The following IFT74 variants were observed in gnomAD, a reference collection of about 807,000 sequenced individuals.
IFT74 encodes the protein intraflagellar transport protein 74 homolog.
Under a neutral mutation model 96.7 loss-of-function variants are expected in IFT74, and 92 were observed. That is an observed-to-expected ratio of 0.95 (90% CI 0.80 to 1.13). The LOEUF is 1.13. Ranked by LOEUF, IFT74 falls within the 50% of genes most tolerant of loss-of-function variation. The probability of loss-of-function intolerance (pLI) is 0.00; values close to 1 mark genes in which losing one functional copy is unlikely to be tolerated. For synonymous variants in IFT74, 223 were observed against 213.2 expected (o/e 1.05, Z -0.40); for missense variants, 811 against 698.2 (o/e 1.16, Z -1.82).
chr9:26,999,833 A>G lies in IFT74; in HGVS notation c.588-9187A>G, dbSNP rs150478855. On this transcript the variant is annotated intron_variant, in intron 8 of 19. Transcript: ENST00000380062. ...CACTCTGTCACACAGACCTGGTGGC[A>G]TGGTCACAGCTCACTGCAGCCTTGA... 3.7e-3 allele frequency: 2,026 copies of G among 540,882 alleles called. 39 individuals are homozygous for G. In the African/African-American group the frequency reaches 0.04, roughly 11 times the overall value. 33.5% of individuals were successfully genotyped at this position (540,882 alleles called of 1,614,324 possible). A position where few individuals can be genotyped will look rare whatever the true frequency, so the allele number is the denominator to read the frequency against.
In IFT74 at chr9:27,050,276, C is replaced by G. The variant is rs187557915; in HGVS notation, c.1333+2002C>G. Among the ~76,000 whole-genome samples, 16 of 152,256 alleles carry G rather than the reference C, an allele frequency of 1.1e-4. No individual in the cohort carries two copies. The East Asian group carries it at 3.1e-3, about 29-fold the overall frequency. On this transcript the variant is annotated intron_variant, in intron 16 of 19. Transcript: ENST00000380062. ...GTTTCACCATGTTTTCCAGGCTTGT[C>G]TCAAACTCCTGGGCTAAAGCCATCT...
chr9:26,993,714 T>A (rs1827994447), intron 8 of IFT74: 2 of 152,138 alleles, frequency 1.3e-5, no homozygotes, highest in Admixed American at 6.6e-5. Context: ...TACTATACCA[T>A]ACACAACATA....
upstream of IFT74, among the ~76,000 whole-genome samples, chr9:26,953,433 T>C (rs1443564786): frequency 6.6e-6 from 1 of 152,256 alleles, no homozygotes; most frequent in Non-Finnish European, 1.5e-5. Flanking sequence ...GTCATTTATA[T>C]GTATAAATTC....
chr9:27,060,961 CAAAAAAAAAAA>C (rs752655360), intron 19 of IFT74: 7 of 37,984 alleles, frequency 1.8e-4, no homozygotes, highest in African/African-American at 8.5e-4. Flanking sequence ...GACTCCATCT[CAAAAAAAAAAA>C]AAAAAAAAAA....
chr9:26,981,899 C>G (rs1010426458), intron 4 of IFT74, among the ~76,000 whole-genome samples: 1 of 151,424 alleles, frequency 6.6e-6, no homozygotes. Flanking sequence ...TCGTGAGTAG[C>G]TGGGACTGCA....
chr9:27,016,827 A>G, intron 10 of IFT74, 80 bp from the exon 11 acceptor site: 1 of 1,121,272 alleles, frequency 8.9e-7, no homozygotes, highest in Non-Finnish European at 1.2e-6. Context: ...ATTTACCCCC[A>G]TTCTTATAAA....
intron 2 of IFT74, among the ~76,000 whole-genome samples, chr9:26,969,268 C>T (rs1162336639): frequency 6.6e-6 from 1 of 152,006 alleles, no homozygotes; most frequent in Non-Finnish European, 1.5e-5. Flanking sequence ...AGAGAAGATA[C>T]ATATATATTT....
chr9:26,973,609 T>C (rs1006626672), intron 2 of IFT74, among the ~76,000 whole-genome samples: 3 of 152,236 alleles, frequency 2.0e-5, no homozygotes, highest in African/African-American at 7.2e-5. Flanking sequence ...TAGCATTAAG[T>C]CTTTTTCTAA....
At chr9:26,964,524 G>T (rs1045366636) in intron 2 of IFT74, among the ~76,000 whole-genome samples, 1 of 151,914 alleles carries the variant, frequency 6.6e-6, no homozygotes, top group African/African-American at 2.4e-5. Context: ...GCTTGATGGG[G>T]ATGGCATTGA....
chr9:27,001,169 G>T (rs2131583253), intron 8 of IFT74, among the ~76,000 whole-genome samples: 1 of 152,124 alleles, frequency 6.6e-6, no homozygotes, highest in Non-Finnish European at 1.5e-5. Flanking sequence ...ATATTCCATT[G>T]TATATATATG....
At chr9:26,979,069 G>A (rs1827245874) in intron 3 of IFT74, among the ~76,000 whole-genome samples, 1 of 151,904 alleles carries the variant, frequency 6.6e-6, no homozygotes, top group Non-Finnish European at 1.5e-5. Context: ...CAGGAATGAA[G>A]ATATACTGCT....
At chr9:26,970,074 G>A (rs984384202) in intron 2 of IFT74, among the ~76,000 whole-genome samples, 1 of 151,626 alleles carries the variant, frequency 6.6e-6, no homozygotes, top group Non-Finnish European at 1.5e-5. Flanking sequence ...ATTCTGATAG[G>A]ATTGTCTTTG....
At chr9:27,057,090 T>C (rs1820200483) in intron 18 of IFT74, among the ~76,000 whole-genome samples, 1 of 152,170 alleles carries the variant, frequency 6.6e-6, no homozygotes, top group African/African-American at 2.4e-5. Flanking sequence ...TTAATGATAT[T>C]CTAGTGCATG....
Position 26,984,505 on chromosome 9 carries a change from G to C in IFT74, c.411G>C (p.Glu137Asp). 1 of 1,611,962 alleles carries C rather than the reference G, an allele frequency of 6.2e-7. No homozygotes were observed. The highest frequency in any genetic ancestry group is 8.5e-7 in the Non-Finnish European group (1 of 1,178,582). The change falls in exon 6 of 20, where the codon GAG becomes GAC. Residue 137 changes from glutamate (E) to aspartate (D), a missense_variant. By Grantham distance (45) the Glu-to-Asp change is conservative. Coordinates refer to ENST00000380062, the MANE Select transcript of IFT74 (RefSeq NM_025103.4). ...ATTTATTTTATGCTTTCAGGGCTGA[G>C]ACTTTAGCTGTTGAGATAAAAGAGC... ...SVYLSYEKRAETLAVEIKELQ... is the reference protein window; with the variant it reads ...SVYLSYEKRADTLAVEIKELQ...
intron 11 of IFT74, among the ~76,000 whole-genome samples, chr9:27,017,656 T>C (rs1587361316): frequency 6.6e-6 from 1 of 152,356 alleles, no homozygotes; most frequent in African/African-American, 2.4e-5. Context: ...GGGCCTTGTA[T>C]TTAGAAAATG....
chr9:26,973,573 C>T (rs1038522173), intron 2 of IFT74, among the ~76,000 whole-genome samples: 4 of 152,168 alleles, frequency 2.6e-5, no homozygotes, highest in Non-Finnish European at 4.4e-5. Context: ...TCCCTTAGGG[C>T]CAGCTTGAAG....
intron 14 of IFT74, among the ~76,000 whole-genome samples, chr9:27,045,958 T>C (rs1282356423): frequency 1.3e-5 from 2 of 152,182 alleles, no homozygotes; most frequent in East Asian, 1.9e-4. Context: ...TAGTGTGGTA[T>C]CTGGCACTTA....
chr9:27,054,510 A>G (rs955317469), intron 16 of IFT74, among the ~76,000 whole-genome samples: 1 of 152,194 alleles, frequency 6.6e-6, no homozygotes, highest in African/African-American at 2.4e-5. Context: ...TTGCTATTAT[A>G]TCCTCAGCAC....
At chr9:27,052,112 C>A (rs939033491) in intron 16 of IFT74, among the ~76,000 whole-genome samples, 1 of 152,150 alleles carries the variant, frequency 6.6e-6, no homozygotes, top group East Asian at 1.9e-4. Context: ...AAGAAATGTA[C>A]ATTTTTTAAA....
Sources: gnomAD v4.1 joint callset for allele counts (sites outside exome capture counted in the v4.1 genomes callset) on GRCh38, gnomAD v4.1.1 for gene constraint, MANE v1.5 for transcripts, NCBI Gene and HGNC (gene_info 2026-07-23, HGNC 2026-07-21) for gene names.